Variants in KCNH3 observed in about 807,000 individuals in gnomAD.
KCNH3 encodes potassium voltage-gated channel subfamily H member 3.
A neutral mutation model predicts 95.6 loss-of-function variants in KCNH3; 36 were observed. The observed-to-expected ratio is 0.38, with a 90% CI of 0.29 to 0.50. KCNH3 has a LOEUF of 0.50. KCNH3 is among the 20% of genes least tolerant of loss of function. KCNH3 has a pLI of 0.95. For synonymous variants in KCNH3, 620 were observed against 646.3 expected (o/e 0.96, Z 0.62); for missense variants, 1,030 against 1,484.1 (o/e 0.69, Z 5.03).
chr12:49,541,132 G>C lies in KCNH3; in HGVS notation c.310G>C (p.Gly104Arg). ...TGAGCTGATCCTGTACCGGAAGAGC[G>C]GTGAGGGGCCACCTGGCCAGCCTGC... is the stretch of plus-strand genomic sequence containing the variant. ...KAELILYRKS[G>R]LPFWCLLDVI... Residue 104 changes from glycine to arginine, a missense_variant and splice_region_variant, in exon 2 of 15, where the codon GGG (glycine) becomes CGG (arginine). Gly to Arg is a moderately radical substitution (Grantham distance 125). Around this residue, in one of 9 missense-constraint regions of KCNH3, gnomAD observed 63 missense variants for 107.7 expected, o/e 0.59. Coordinates refer to ENST00000257981, the MANE Select transcript of KCNH3 (RefSeq NM_012284.3). 1 of 1,598,584 alleles carries C rather than the reference G, an allele frequency of 6.3e-7. No homozygotes were observed. Among genetic ancestry groups the C allele is most frequent in the Non-Finnish European group, 8.5e-7 (1 of 1,176,964 alleles).
In KCNH3 at chr12:49,549,629, G is replaced by A. The variant is rs1224900663; in HGVS notation, c.1657G>A (p.Asp553Asn). The change falls in exon 9 of 15, where the codon GAC (aspartate) becomes AAC (asparagine). Residue 553 changes from aspartate (D) to asparagine (N), a missense_variant. By Grantham distance (23) the Asp-to-Asn change is conservative (BLOSUM62 1). Around this residue, in one of 9 missense-constraint regions of KCNH3, gnomAD observed 160 missense variants for 316.2 expected, o/e 0.51. Coordinates refer to ENST00000257981, the MANE Select transcript of KCNH3 (RefSeq NM_012284.3). ...QATWAVNNGI[D>N]TTELLQSLPD... ...CACCTGGGCGGTGAACAATGGCATC[G>A]ACACCACCGAGGTGCGGCCTCCGGG... 1.2e-6 allele frequency: 2 copies of A among 1,608,908 alleles called. No homozygotes were observed. The highest frequency in any genetic ancestry group is 1.3e-5 in the African/African-American group (1 of 74,922).
In KCNH3 at chr12:49,554,608, G is replaced by A. The variant is rs1020076528; in HGVS notation, c.2136+54G>A. The A allele has an allele frequency of 3.4e-6, 5 of 1,472,028 alleles. No individual in the cohort carries two copies. In the African/African-American group the frequency reaches 6.9e-5, roughly 20 times the overall value. The allele number at this position is 1,472,028 out of a possible 1,614,324, so 91.2% of individuals were successfully genotyped here. On this transcript the variant is annotated intron_variant, in intron 11 of 14. Transcript: ENST00000257981. Reference sequence around the variant, plus strand: ...GGATGGGGGTGCCAGGGAGCCTGGTGAAGTGGGCAGAGGCTGGGGATGGTG... The same window carrying A: ...GGATGGGGGTGCCAGGGAGCCTGGTAAAGTGGGCAGAGGCTGGGGATGGTG...
At position 49,550,133 on chromosome 12, in the gene KCNH3, C is replaced by A; in HGVS notation, c.1722C>A (p.His574Gln). ...GCGCAGACATCGCCATGCACCTGCA[C>A]AAGGAGGTCCTGCAGCTGCCACTGT... ...ELRADIAMHLHKEVLQLPLFE... is the reference protein window; with the variant it reads ...ELRADIAMHLQKEVLQLPLFE... Residue 574 changes from histidine to glutamine, a missense_variant, in exon 10 of 15, where the codon CAC becomes CAA. Coordinates refer to ENST00000257981, the MANE Select transcript of KCNH3 (RefSeq NM_012284.3). The A allele has an allele frequency of 6.2e-7, 1 of 1,608,792 alleles. No homozygotes were observed. The highest frequency in any genetic ancestry group is 8.5e-7 in the Non-Finnish European group (1 of 1,179,300).
In KCNH3 at chr12:49,554,259, T is replaced by C. The variant is rs752716225; in HGVS notation, c.1919-78T>C. ...GCCCAGCCCAGCTCTGAAGGGAATCTCAGCAACCTGCAGCCCCCTCTTCTC... is the reference window on the plus strand; with the variant it reads ...GCCCAGCCCAGCTCTGAAGGGAATCCCAGCAACCTGCAGCCCCCTCTTCTC... On this transcript the variant is annotated intron_variant, in intron 10 of 14. Coordinates refer to ENST00000257981, the MANE Select transcript of KCNH3 (RefSeq NM_012284.3). 1.1e-4 allele frequency: 135 copies of C among 1,194,208 alleles called. 1 individual carries two copies. Among genetic ancestry groups the C allele is most frequent in the Non-Finnish European group, 1.7e-4 (134 of 811,800 alleles). The allele number at this position is 1,194,208 out of a possible 1,614,324, so 74.0% of individuals were successfully genotyped here.
intron 10 of KCNH3, among the ~76,000 whole-genome samples, chr12:49,552,621 T>C (rs1565780614): frequency 6.6e-6 from 1 of 152,196 alleles, no homozygotes; most frequent in African/African-American, 2.4e-5. Flanking sequence ...CTTGCCTCTG[T>C]TGATGAACTG....
Position 49,542,261 on chromosome 12 carries a change from C to T in KCNH3, c.446-445C>T, listed in dbSNP as rs367890063. Among the ~76,000 whole-genome samples, 39 of 152,330 alleles carry T rather than the reference C, an allele frequency of 2.6e-4. No individual in the cohort carries two copies. In the Middle Eastern group the frequency reaches 0.01, roughly 40 times the overall value. ...GCTGGGGGTACTCTCCACTCCCACT[C>T]GCGTACTCCCAGTGCTGGGTCTGCC... is the stretch of plus-strand genomic sequence containing the variant. On this transcript the variant is annotated intron_variant, in intron 3 of 14. Coordinates refer to ENST00000257981, the MANE Select transcript of KCNH3 (RefSeq NM_012284.3).
intron 13 of KCNH3, 79 bp from the exon 14 acceptor site, chr12:49,557,104 C>A: frequency 1.5e-6 from 2 of 1,372,128 alleles, no homozygotes; most frequent in Non-Finnish European, 2.1e-6. Context: ...TGTGCTCTAA[C>A]TGGGGCAAGG....
In KCNH3 at chr12:49,557,554, C is replaced by T. The variant is rs555397826; in HGVS notation, c.2853C>T (p.Pro951=). 11 of 1,612,228 alleles carry T rather than the reference C, an allele frequency of 6.8e-6. No individual in the cohort carries two copies. In the Admixed American group the frequency reaches 1.7e-4, roughly 24 times the overall value. The change falls in exon 15 of 15, where the codon CCC becomes CCT. Residue 951 remains proline (P), a synonymous_variant. Transcript: ENST00000257981. ...GGGCATCCTCCTACTGCCTGCAGCC[C>T]CCAGCTGGCTCTGTCTTGAGTGGGA... ...DTGASSYCLQ[P]PAGSVLSGTW...
Position 49,556,413 on chromosome 12 carries a change from A to G in KCNH3, c.2512A>G (p.Lys838Glu). ...IEDGCGSDQP[K>E]FSFRVGQSGP... The stretch of plus-strand genomic sequence containing the variant: ...AGACGGCTGTGGCTCGGACCAGCCC[A>G]AGTTCTCTTTCCGCGTGGGCCAGTC... Residue 838 changes from lysine (K) to glutamate (E), a missense_variant, in exon 13 of 15, where the codon AAG becomes GAG. Physicochemically the swap from Lys to Glu is moderately conservative, Grantham distance 56 (BLOSUM62 1). Around this residue, in one of 9 missense-constraint regions of KCNH3, gnomAD observed 464 missense variants for 493.2 expected, o/e 0.94. Coordinates refer to ENST00000257981, the MANE Select transcript of KCNH3 (RefSeq NM_012284.3). 1 of 1,614,068 alleles carries G rather than the reference A, an allele frequency of 6.2e-7. No homozygotes were observed. Among genetic ancestry groups the G allele is most frequent in the South Asian group, 1.1e-5 (1 of 91,080 alleles).
Position 49,544,725 on chromosome 12 carries a change from C to T in KCNH3, c.1189+343C>T, listed in dbSNP as rs549832099. Among the ~76,000 whole-genome samples the T allele has an allele frequency of 3.3e-5, 5 of 152,194 alleles. No individual in the cohort carries two copies. In the South Asian group the frequency reaches 6.2e-4, roughly 19 times the overall value. ...CTCTGACACCCGGCACTCCCCACCC[C>T]TCCCCCCGCATCCTCTCTGAAGCTT... On this transcript the variant is annotated intron_variant, in intron 7 of 14. Transcript: ENST00000257981.
chr12:49,547,794 G>A (rs1592503197), intron 7 of KCNH3, among the ~76,000 whole-genome samples: 1 of 152,144 alleles, frequency 6.6e-6, no homozygotes, highest in South Asian at 2.1e-4. Flanking sequence ...ACTGCATCCT[G>A]TGACCCCAAG....
chr12:49,544,905 T>A (rs1938008629), intron 7 of KCNH3, among the ~76,000 whole-genome samples: 1 of 152,024 alleles, frequency 6.6e-6, no homozygotes, highest in South Asian at 2.1e-4. Flanking sequence ...ATCTTCACTC[T>A]CCTTCATGTC....
intron 4 of KCNH3, 98 bp from the exon 5 acceptor site, chr12:49,543,177 G>A (rs1355469741): frequency 2.3e-6 from 3 of 1,308,452 alleles, no homozygotes; most frequent in Admixed American, 4.1e-5. Context: ...GATAATGCAG[G>A]GATAGAAAGG....
rs1938536930 is a variant in KCNH3 at position 49,557,901 on chromosome 12, G to T, written c.3200G>T (p.Cys1067Phe). ...PHSLEMVLIG[C>F]HGSGTVQWTQ... ...AGCCTGGAGATGGTGCTTATTGGCT[G>T]CCATGGCTCTGGCACAGTCCAGTGG... The change falls in exon 15 of 15, where the codon TGC (cysteine) becomes TTC (phenylalanine). Residue 1067 changes from cysteine to phenylalanine, a missense_variant. Around this residue, in one of 9 missense-constraint regions of KCNH3, gnomAD observed 464 missense variants for 493.2 expected, o/e 0.94. Transcript: ENST00000257981. 6.5e-7 allele frequency: 1 copy of T among 1,538,668 alleles called. No homozygotes were observed. The highest frequency in any genetic ancestry group is 8.7e-7 in the Non-Finnish European group (1 of 1,143,230).
Position 49,557,515 on chromosome 12 carries a change from G to C in KCNH3, c.2814G>C (p.Leu938=). 6.2e-7 allele frequency: 1 copy of C among 1,611,762 alleles called. No homozygotes were observed. The highest frequency in any genetic ancestry group is 2.2e-5 in the East Asian group (1 of 44,880). The change falls in exon 15 of 15, where the codon CTG becomes CTC. Residue 938 remains leucine (L), a synonymous_variant. Coordinates refer to ENST00000257981, the MANE Select transcript of KCNH3 (RefSeq NM_012284.3). ...PASTSGLLQP[L]CVDTGASSYC... Reference sequence around the variant, plus strand: ...GCACCTCCGGGCTTCTGCAGCCTCTGTGTGTGGACACTGGGGCATCCTCCT... The same window carrying C: ...GCACCTCCGGGCTTCTGCAGCCTCTCTGTGTGGACACTGGGGCATCCTCCT...
Position 49,556,767 on chromosome 12 carries a change from T to C in KCNH3, c.2575+291T>C, listed in dbSNP as rs1000940790. 9.0e-6 allele frequency: 6 copies of C among 668,440 alleles called. No homozygotes were observed. In the South Asian group the frequency reaches 9.0e-5, roughly 10 times the overall value. The allele number at this position is 668,440 out of a possible 1,614,324, so 41.4% of individuals were successfully genotyped here. A position where few individuals can be genotyped will look rare whatever the true frequency, so the allele number is the denominator to read the frequency against. On this transcript the variant is annotated intron_variant, in intron 13 of 14. Transcript: ENST00000257981. ...GCTTCCTGTCTGTAAAAAAATGGGTTGATGTTTACGTTATATAATGTAACT... is the reference window on the plus strand; with the variant it reads ...GCTTCCTGTCTGTAAAAAAATGGGTCGATGTTTACGTTATATAATGTAACT...
chr12:49,543,450 G>A lies in KCNH3; in HGVS notation c.755G>A (p.Arg252Gln), dbSNP rs745657618. ...TACAGCGTGTGTGTGAGCACAGCAC[G>A]GGAGCCCAGTGCCGCCCGCGGCCCG... Reference protein sequence around the residue: ...VPYSVCVSTAREPSAARGPPS... With the variant: ...VPYSVCVSTAQEPSAARGPPS... Residue 252 changes from arginine to glutamine, a missense_variant, in exon 5 of 15, where the codon CGG becomes CAG. Coordinates refer to ENST00000257981, the MANE Select transcript of KCNH3 (RefSeq NM_012284.3). 5.0e-6 allele frequency: 8 copies of A among 1,604,826 alleles called. No homozygotes were observed. Among genetic ancestry groups the A allele is most frequent in the African/African-American group, 1.3e-5 (1 of 75,046 alleles).
intron 7 of KCNH3, among the ~76,000 whole-genome samples, chr12:49,545,944 A>G (rs1190445484): frequency 2.0e-5 from 3 of 152,062 alleles, no homozygotes; most frequent in African/African-American, 7.2e-5. Context: ...CTATTCCCAG[A>G]GGAAGCCTGT....
In KCNH3 at chr12:49,550,175, C is replaced by T. The variant is rs758386082; in HGVS notation, c.1764C>T (p.Arg588=). The T allele has an allele frequency of 3.1e-6, 5 of 1,609,280 alleles. No homozygotes were observed. Among genetic ancestry groups the T allele is most frequent in the Admixed American group, 1.7e-5 (1 of 59,992 alleles). ...TGCCACTGTTTGAGGCGGCCAGCCG[C>T]GGCTGCCTGCGGGCACTGTCTCTGG... ...LQLPLFEAAS[R]GCLRALSLAL... is the part of the protein sequence containing the mutation. The change falls in exon 10 of 15, where the codon CGC becomes CGT. Residue 588 remains arginine (R), a synonymous_variant. Coordinates refer to ENST00000257981, the MANE Select transcript of KCNH3 (RefSeq NM_012284.3).
Sources: gnomAD v4.1 joint callset for allele counts (sites outside exome capture counted in the v4.1 genomes callset) on GRCh38, gnomAD v4.1.1 for gene constraint, gnomAD v4.1.1 regional missense constraint, MANE v1.5 for transcripts, NCBI Gene and HGNC (gene_info 2026-07-23, HGNC 2026-07-21) for gene names.